TMEM94: variants seen among roughly 807,000 people sequenced by gnomAD.
The protein encoded by TMEM94 is transmembrane protein 94, also known as ER Mg2+ ATPase.
A neutral mutation model predicts 158.6 loss-of-function variants in TMEM94; 81 were observed. The ratio of observed to expected loss-of-function variants is 0.51; its 90% CI spans 0.43 to 0.61. TMEM94 has a LOEUF of 0.61. Ranked by LOEUF, TMEM94 falls within the 20% of genes least tolerant of loss-of-function variation. The pLI is 0.00. For synonymous variants in TMEM94, 751 were observed against 730.7 expected (o/e 1.03, Z -0.45); for missense variants, 1,435 against 1,762.0 (o/e 0.81, Z 3.32).
chr17:75,490,098 C>A, intron 9 of TMEM94, 136 bp from the exon 10 acceptor site: 1 of 1,283,452 alleles, frequency 7.8e-7, no homozygotes. Context: ...AAAAAGAACA[C>A]CTCTTTCCCT....
chr17:75,458,087 G>A (rs1055957971), intron 1 of TMEM94, among the ~76,000 whole-genome samples: 2 of 152,074 alleles, frequency 1.3e-5, no homozygotes, highest in African/African-American at 2.4e-5. Context: ...CTGTATTGGG[G>A]GCGTAAATTA....
At chr17:75,467,747 T>G (rs1457876244) in intron 1 of TMEM94, among the ~76,000 whole-genome samples, 2 of 151,416 alleles carry the variant, frequency 1.3e-5, no homozygotes, top group Non-Finnish European at 2.9e-5. Context: ...TTAGCCAGGA[T>G]GGTCTCGATC....
Position 75,498,100 on chromosome 17 carries a change from T to C in TMEM94, c.3490-75T>C, listed in dbSNP as rs981064909. ...GCCTGACCATTTACTAAGAGCCCGT[T>C]GAATACGTGGAAGAGCTAGGAGCAG... On this transcript the variant is annotated intron_variant, in intron 27 of 31. Transcript: ENST00000314256. This position sits in a 1 kb window ranked among gnomAD's most constrained non-coding sequence, Gnocchi z 6.7. 1.3e-6 allele frequency: 2 copies of C among 1,583,238 alleles called. No individual in the cohort carries two copies. Among genetic ancestry groups the C allele is most frequent in the Non-Finnish European group, 1.7e-6 (2 of 1,159,932 alleles).
rs2052978982 is a variant in TMEM94 at position 75,498,572 on chromosome 17, G to A, written c.3733+34G>A. On this transcript the variant is annotated intron_variant, in intron 29 of 31. Coordinates refer to ENST00000314256, the MANE Select transcript of TMEM94 (RefSeq NM_014738.6). This position sits in a 1 kb window ranked among gnomAD's most constrained non-coding sequence, Gnocchi z 6.7. ...GCTCCCTGGGAGGGCGTGGATGATG[G>A]TGGGAGAGGAGCCCCACTGTGGAAG... The A allele has an allele frequency of 6.2e-7, 1 of 1,612,774 alleles. No individual in the cohort carries two copies. Among genetic ancestry groups the A allele is most frequent in the Admixed American group, 1.7e-5 (1 of 59,868 alleles).
Position 75,498,216 on chromosome 17 carries a change from C to T in TMEM94, c.3531C>T (p.Ser1177=). 1 of 1,614,004 alleles carries T rather than the reference C, an allele frequency of 6.2e-7. No individual in the cohort carries two copies. Among genetic ancestry groups the T allele is most frequent in the Non-Finnish European group, 8.5e-7 (1 of 1,180,024 alleles). ...YFLLCFLLKF[S]LTISSCLICF... ...TGCTCTGCTTCCTGCTCAAGTTCAG[C>T]CTCACCATCAGCTCCTGCCTCATCT... The change falls in exon 28 of 32, where the codon AGC becomes AGT. Residue 1177 remains serine (S), a synonymous_variant. Transcript: ENST00000314256. This position sits in a 1 kb window ranked among gnomAD's most constrained non-coding sequence, Gnocchi z 6.7.
In TMEM94 at chr17:75,492,131, T is replaced by A; in HGVS notation, c.1596+231T>A. 1 of 846,976 alleles carries A rather than the reference T, an allele frequency of 1.2e-6. No homozygotes were observed. 52.5% of individuals were successfully genotyped at this position (846,976 alleles called of 1,614,324 possible). A position where few individuals can be genotyped will look rare whatever the true frequency, so the allele number is the denominator to read the frequency against. On this transcript the variant is annotated intron_variant, in intron 14 of 31. Transcript: ENST00000314256. This position sits in a 1 kb window ranked among gnomAD's most constrained non-coding sequence, Gnocchi z 4.4. ...TAATCGCAATCACTGGTGTCCCTAC[T>A]GGAACCTTCCAAATATACACAGCCC... is the stretch of plus-strand genomic sequence containing the variant.
In TMEM94 at chr17:75,489,326, A is replaced by G. The variant is rs1268204504; in HGVS notation, c.825A>G (p.Thr275=). ...CTGCCCTGGACAATGAGCGGTTCACAGTGCAGTCGGTGATGCTACACTATG... is the reference window on the plus strand; with the variant it reads ...CTGCCCTGGACAATGAGCGGTTCACGGTGCAGTCGGTGATGCTACACTATG... ...PVTALDNERF[T]VQSVMLHYAV... The change falls in exon 8 of 32, where the codon ACA becomes ACG. Residue 275 remains threonine (T), a synonymous_variant. Coordinates refer to ENST00000314256, the MANE Select transcript of TMEM94 (RefSeq NM_014738.6). The surrounding 1 kb of genome is among the most constrained non-coding windows in gnomAD (Gnocchi z 5.0). The G allele has an allele frequency of 8.1e-6, 13 of 1,614,070 alleles. No individual in the cohort carries two copies. Among genetic ancestry groups the G allele is most frequent in the Non-Finnish European group, 1.1e-5 (13 of 1,180,048 alleles).
chr17:75,472,927 C>G (rs62091796), intron 2 of TMEM94, among the ~76,000 whole-genome samples: 7,950 of 152,296 alleles, frequency 0.052, 309 homozygotes, highest in African/African-American at 0.091. Flanking sequence ...AGAGGTCCTT[C>G]CTTTCAGCAT....
intron 2 of TMEM94, among the ~76,000 whole-genome samples, chr17:75,480,332 G>A (rs2051062239): frequency 6.6e-6 from 1 of 152,214 alleles, no homozygotes; most frequent in Non-Finnish European, 1.5e-5. Flanking sequence ...CTACTGTGCT[G>A]TCTTTAATCA....
chr17:75,489,732 C>G lies in TMEM94; in HGVS notation c.954+70C>G. On this transcript the variant is annotated intron_variant, in intron 9 of 31. Coordinates refer to ENST00000314256, the MANE Select transcript of TMEM94 (RefSeq NM_014738.6). This position sits in a 1 kb window ranked among gnomAD's most constrained non-coding sequence, Gnocchi z 5.0. ...CAGGGCTGGCTCTTCTCCTAGTACC[C>G]TGGCTGTCCCTCCCTCTCTGCAGCC... 3 of 1,294,622 alleles carry G rather than the reference C, an allele frequency of 2.3e-6. No individual in the cohort carries two copies. The highest frequency in any genetic ancestry group is 2.3e-5 in the East Asian group (1 of 43,008). The allele number at this position is 1,294,622 out of a possible 1,614,324, so 80.2% of individuals were successfully genotyped here. A position where few individuals can be genotyped will look rare whatever the true frequency, so the allele number is the denominator to read the frequency against.
chr17:75,472,005 G>A (rs2050519619), intron 2 of TMEM94, 76 bp downstream of exon 2: 1 of 1,510,066 alleles, frequency 6.6e-7, no homozygotes, highest in Non-Finnish European at 9.2e-7. Flanking sequence ...TTTTTGCCTG[G>A]GAGATCCTTA....
At position 75,500,059 on chromosome 17, in the gene TMEM94, T is replaced by C. The variant is rs1481605239; in HGVS notation, c.*725T>C. ...CTTTTAGGAATGAATGTAGACTGGT[T>C]TGTATTAAAATGTGTCAATTGCTAA... On this transcript the variant is annotated 3_prime_UTR_variant, in exon 32 of 32. Coordinates refer to ENST00000314256, the MANE Select transcript of TMEM94 (RefSeq NM_014738.6). The C allele has an allele frequency of 6.6e-6, 1 of 152,612 alleles. No individual in the cohort carries two copies. Among genetic ancestry groups the C allele is most frequent in the African/African-American group, 2.4e-5 (1 of 41,460 alleles). The allele number at this position is 152,612 out of a possible 1,614,324, so 9.5% of individuals were successfully genotyped here.
chr17:75,488,494 C>T (rs1481538010), intron 6 of TMEM94, among the ~76,000 whole-genome samples: 2 of 152,150 alleles, frequency 1.3e-5, no homozygotes, highest in Non-Finnish European at 2.9e-5. Context: ...GTTGGCCAGG[C>T]TGGTTTCGAA....
At chr17:75,494,841 C>T (rs1479546648) in intron 19 of TMEM94, 33 bp downstream of exon 19, 1 of 1,612,740 alleles carries the variant, frequency 6.2e-7, no homozygotes. Flanking sequence ...CCACCACTAA[C>T]TCTGTTTCCA....
chr17:75,474,373 G>C (rs2050598322), intron 2 of TMEM94, among the ~76,000 whole-genome samples: 1 of 152,048 alleles, frequency 6.6e-6, no homozygotes, highest in South Asian at 2.1e-4. Flanking sequence ...GGGTGTGGTG[G>C]CACACACCTG....
At chr17:75,472,588 C>G (rs1200819764) in intron 2 of TMEM94, among the ~76,000 whole-genome samples, 1 of 152,212 alleles carries the variant, frequency 6.6e-6, no homozygotes, top group Non-Finnish European at 1.5e-5. Context: ...ACTTGGGAGA[C>G]TGAGGCAGGA....
intron 2 of TMEM94, among the ~76,000 whole-genome samples, chr17:75,475,975 C>T (rs548008980): frequency 6.6e-6 from 1 of 152,332 alleles, no homozygotes; most frequent in South Asian, 2.1e-4. Flanking sequence ...GCGGCCAGTC[C>T]ATCCCGTCCC....
In TMEM94 at chr17:75,499,434, C is replaced by A; in HGVS notation, c.*100C>A. On this transcript the variant is annotated 3_prime_UTR_variant, in exon 32 of 32. Transcript: ENST00000314256. ...TGTATCATGAATGTTTCCAGGTTTGCTCCTGCACCCGTGGCACTGGAAACC... is the reference window on the plus strand; with the variant it reads ...TGTATCATGAATGTTTCCAGGTTTGATCCTGCACCCGTGGCACTGGAAACC... 2.5e-6 allele frequency: 3 copies of A among 1,180,082 alleles called. No homozygotes were observed. The highest frequency in any genetic ancestry group is 1.3e-5 in the South Asian group (1 of 76,002). 73.1% of individuals were successfully genotyped at this position (1,180,082 alleles called of 1,614,324 possible). A position where few individuals can be genotyped will look rare whatever the true frequency, so the allele number is the denominator to read the frequency against.
intron 4 of TMEM94, 131 bp downstream of exon 4, chr17:75,486,129 A>C (rs1458840981): frequency 1.4e-6 from 2 of 1,432,772 alleles, no homozygotes; most frequent in Non-Finnish European, 1.9e-6. Flanking sequence ...GAACCTCCTC[A>C]GTCCCTTGAA....
Sources: allele counts gnomAD v4.1 joint callset (sites outside exome capture counted in the v4.1 genomes callset), GRCh38; gene constraint gnomAD v4.1.1; non-coding constraint Gnocchi (gnomAD v3.1); transcripts MANE v1.5; gene names NCBI Gene and HGNC (gene_info 2026-07-23, HGNC 2026-07-21).